The following CYRIB variants were observed in gnomAD, a reference collection of about 807,000 sequenced individuals.
CYRIB encodes CYFIP-related Rac1 interactor B.
CYRIB carries 8 observed loss-of-function variants against 44.2 expected under a neutral mutation model. The ratio of observed to expected loss-of-function variants is 0.18; its 90% CI spans 0.11 to 0.33. CYRIB has a LOEUF of 0.33. Ranked by LOEUF, CYRIB falls within the 10% of genes least tolerant of loss-of-function variation. The probability of loss-of-function intolerance (pLI) is 1.00; values close to 1 mark genes in which losing one functional copy is unlikely to be tolerated. For synonymous variants in CYRIB, 131 were observed against 127.2 expected, an observed-to-expected ratio of 1.03 and a Z score of -0.20; for missense variants, 185 against 382.8, an observed-to-expected ratio of 0.48 and a Z score of 4.31.
At chr8:129,960,110 A>G (rs2095151642) in intron 2 of CYRIB, among the ~76,000 whole-genome samples, 1 of 152,186 alleles carries the variant, frequency 6.6e-6, no homozygotes, top group Non-Finnish European at 1.5e-5. Context: ...CAAAGCATCT[A>G]ACTGATACAT....
exon 12 of CYRIB, chr8:129,840,931 C>T (rs187961028): frequency 6.6e-6 from 1 of 152,284 alleles, no homozygotes; most frequent in East Asian, 1.9e-4. Context: ...TTGTATTATA[C>T]CTCGGATATT....
chr8:129,960,906 T>A (rs1180793621), intron 2 of CYRIB, among the ~76,000 whole-genome samples: 4 of 124,774 alleles, frequency 3.2e-5, no homozygotes, highest in Admixed American at 8.8e-5. Context: ...GCCAAGATCA[T>A]GCCACTGCAC....
Position 129,862,386 on chromosome 8 carries a change from C to A in CYRIB, c.196-52G>T, listed in dbSNP as rs760333740. On this transcript the variant is annotated intron_variant, in intron 4 of 11. Transcript: ENST00000519824. Reference sequence around the variant, plus strand: ...TTAGAGTTAAAAAAAAAAAAAGGTTCATTTTTACATTAAAATGTAGGCTTT... The same window carrying A: ...TTAGAGTTAAAAAAAAAAAAAGGTTAATTTTTACATTAAAATGTAGGCTTT... The A allele has an allele frequency of 9.2e-6, 12 of 1,306,004 alleles. No individual in the cohort carries two copies. In the African/African-American group the frequency reaches 1.6e-4, roughly 18 times the overall value. The allele number at this position is 1,306,004 out of a possible 1,614,324, so 80.9% of individuals were successfully genotyped here.
intron 10 of CYRIB, among the ~76,000 whole-genome samples, chr8:129,847,783 G>A (rs892424589): frequency 3.9e-5 from 6 of 152,172 alleles, no homozygotes; most frequent in Non-Finnish European, 7.4e-5. Flanking sequence ...CCAGAGAAAT[G>A]TGGGTTCTAC....
intron 1 of CYRIB, among the ~76,000 whole-genome samples, chr8:130,004,935 T>G (rs1041335707): frequency 6.6e-6 from 1 of 151,622 alleles, no homozygotes; most frequent in Non-Finnish European, 1.5e-5. Flanking sequence ...CCTGGCTAAT[T>G]TTTGTATTTT....
At chr8:129,863,757 G>T (rs1023296964) in intron 4 of CYRIB, among the ~76,000 whole-genome samples, 3 of 152,072 alleles carry the variant, frequency 2.0e-5, no homozygotes, top group Admixed American at 6.5e-5. Context: ...TGAATAGAGG[G>T]TTATTTCCAA....
intron 4 of CYRIB, among the ~76,000 whole-genome samples, chr8:129,870,578 T>C (rs2056752211): frequency 6.6e-6 from 1 of 152,154 alleles, no homozygotes; most frequent in South Asian, 2.1e-4. Context: ...ATATGGAATG[T>C]ATGCCCCATA....
intron 4 of CYRIB, among the ~76,000 whole-genome samples, chr8:129,863,140 A>G (rs1048937034): frequency 5.9e-5 from 9 of 152,352 alleles, no homozygotes; most frequent in South Asian, 2.1e-4. Flanking sequence ...GGAACAGGCT[A>G]AGAAATTTCC....
chr8:129,971,088 A>G (rs1421456281), intron 1 of CYRIB, 93 bp from the exon 2 acceptor site: 1 of 152,220 alleles, frequency 6.6e-6, no homozygotes, highest in Non-Finnish European at 1.5e-5. Context: ...TTTTTTTCCC[A>G]TAGTAGAGGT....
At chr8:129,932,889 T>G (rs1259977392) in intron 1 of CYRIB, among the ~76,000 whole-genome samples, 1 of 152,202 alleles carries the variant, frequency 6.6e-6, no homozygotes, top group Non-Finnish European at 1.5e-5. Flanking sequence ...GTTTACCTGT[T>G]AATGAACAGG....
chr8:129,982,017 C>A (rs2096258587), intron 1 of CYRIB, among the ~76,000 whole-genome samples: 2 of 152,222 alleles, frequency 1.3e-5, no homozygotes, highest in Non-Finnish European at 2.9e-5. Flanking sequence ...GCAGTAATGA[C>A]ATCACATGGA....
At chr8:129,962,869 C>G (rs2095326222) in intron 2 of CYRIB, among the ~76,000 whole-genome samples, 1 of 152,190 alleles carries the variant, frequency 6.6e-6, no homozygotes, top group Non-Finnish European at 1.5e-5. Context: ...AAACGGTACC[C>G]GCATTTCCCT....
intron 4 of CYRIB, among the ~76,000 whole-genome samples, chr8:129,865,443 T>G (rs1039650132): frequency 6.6e-6 from 1 of 152,230 alleles, no homozygotes; most frequent in Non-Finnish European, 1.5e-5. Flanking sequence ...GGGAGAAGGA[T>G]ACCTTAACCC....
chr8:129,938,157 G>T (rs2093145462), intron 1 of CYRIB, among the ~76,000 whole-genome samples: 1 of 152,022 alleles, frequency 6.6e-6, no homozygotes, highest in South Asian at 2.1e-4. Flanking sequence ...TTTTATGAAT[G>T]CTGATTAGGG....
At chr8:129,864,393 A>G (rs2052143451) in intron 4 of CYRIB, 1 of 152,346 alleles carries the variant, frequency 6.6e-6, no homozygotes, top group African/African-American at 2.4e-5. Context: ...TCTATCAGGT[A>G]GTAAAAATTT....
intron 1 of CYRIB, among the ~76,000 whole-genome samples, chr8:129,988,309 A>AGCCTTGCG (rs1434871921): frequency 6.6e-6 from 1 of 152,142 alleles, no homozygotes; most frequent in Admixed American, 6.5e-5. Flanking sequence ...TGACGCAAGT[A>AGCCTTGCG]GCCTTGCGCC....
chr8:130,011,294 G>A (rs1423029450), intron 1 of CYRIB, among the ~76,000 whole-genome samples: 1 of 152,100 alleles, frequency 6.6e-6, no homozygotes, highest in East Asian at 1.9e-4. Context: ...GCTGAGGTGG[G>A]TAGATCACCT....
intron 2 of CYRIB, among the ~76,000 whole-genome samples, chr8:129,945,145 G>A (rs1456387260): frequency 1.3e-5 from 2 of 152,230 alleles, no homozygotes; most frequent in African/African-American, 4.8e-5. Flanking sequence ...CTGTATTGCA[G>A]GTAAAAAATG....
chr8:129,865,407 A>G (rs2052903701), intron 4 of CYRIB, among the ~76,000 whole-genome samples: 1 of 152,184 alleles, frequency 6.6e-6, no homozygotes, highest in Non-Finnish European at 1.5e-5. Flanking sequence ...AAACTTTTTT[A>G]GTTTTGCTTT....
Sources: allele counts gnomAD v4.1 joint callset (sites outside exome capture counted in the v4.1 genomes callset), GRCh38; gene constraint gnomAD v4.1.1; transcripts MANE v1.5; gene names NCBI Gene and HGNC (gene_info 2026-07-23, HGNC 2026-07-21).